The following CPQ variants were observed in gnomAD, a reference collection of about 807,000 sequenced individuals.
CPQ encodes the protein carboxypeptidase Q.
In CPQ, 37 loss-of-function variants were observed where a neutral mutation model predicts 45.7. The ratio of observed to expected loss-of-function variants is 0.81; its 90% CI spans 0.62 to 1.07. The LOEUF (loss-of-function observed/expected upper bound fraction) is 1.07. CPQ is among the 50% of genes least tolerant of loss of function. The pLI is 0.00. For synonymous variants in CPQ, 186 were observed against 205.8 expected (o/e 0.90, Z 0.82); for missense variants, 537 against 572.9 (o/e 0.94, Z 0.64).
At chr8:96,757,527 A>G (rs1001540147) in intron 1 of CPQ, among the ~76,000 whole-genome samples, 1 of 151,626 alleles carries the variant, frequency 6.6e-6, no homozygotes, top group Non-Finnish European at 1.5e-5. Context: ...ATCACAAATT[A>G]TATTTTCTTC....
chr8:96,877,729 T>C (rs2130879292), intron 3 of CPQ, among the ~76,000 whole-genome samples: 1 of 152,336 alleles, frequency 6.6e-6, no homozygotes, highest in Middle Eastern at 3.4e-3. Context: ...AACATTATTC[T>C]CCACTTTACA....
intron 2 of CPQ, among the ~76,000 whole-genome samples, chr8:96,807,737 A>G (rs1226850011): frequency 6.6e-6 from 1 of 152,228 alleles, no homozygotes; most frequent in African/African-American, 2.4e-5. Flanking sequence ...AAGTACAACT[A>G]CAGTTTCTCT....
chr8:96,991,190 A>G (rs1809086696), intron 5 of CPQ, among the ~76,000 whole-genome samples: 2 of 152,186 alleles, frequency 1.3e-5, no homozygotes, highest in Admixed American at 6.6e-5. Flanking sequence ...TGCTGTCTCA[A>G]AAACTGCAAT....
chr8:97,062,522 T>C (rs1329615808), intron 6 of CPQ, among the ~76,000 whole-genome samples: 2 of 152,166 alleles, frequency 1.3e-5, no homozygotes, highest in Admixed American at 6.5e-5. Context: ...GTTTGTTACA[T>C]AGGGAAACTT....
At chr8:96,892,994 T>C (rs1342943769) in intron 4 of CPQ, among the ~76,000 whole-genome samples, 1 of 152,196 alleles carries the variant, frequency 6.6e-6, no homozygotes, top group East Asian at 1.9e-4. Flanking sequence ...ATATGACACA[T>C]AGTAGTCTAC....
intron 3 of CPQ, among the ~76,000 whole-genome samples, chr8:96,856,995 T>C (rs1490806375): frequency 6.6e-6 from 1 of 152,222 alleles, no homozygotes; most frequent in Non-Finnish European, 1.5e-5. Flanking sequence ...CCTGTTTTGT[T>C]ATCTATGTGA....
intron 1 of CPQ, among the ~76,000 whole-genome samples, chr8:96,743,766 G>T (rs1178300288): frequency 6.6e-6 from 1 of 152,226 alleles, no homozygotes; most frequent in Non-Finnish European, 1.5e-5. Flanking sequence ...CTGCTGGGGG[G>T]TGCCTCCCAG....
chr8:96,914,381 A>G (rs1294283791), intron 4 of CPQ, among the ~76,000 whole-genome samples: 2 of 152,174 alleles, frequency 1.3e-5, no homozygotes, highest in Admixed American at 6.5e-5. Context: ...GGCCCTTTAC[A>G]GAGCTCCAGG....
At chr8:96,722,103 A>G (rs1182130632) in intron 1 of CPQ, among the ~76,000 whole-genome samples, 1 of 152,010 alleles carries the variant, frequency 6.6e-6, no homozygotes, top group African/African-American at 2.4e-5. Flanking sequence ...CAGGGATTTT[A>G]TTTGTCTTGT....
chr8:96,678,758 C>CTTTTTTT (rs71267274), intron 1 of CPQ, among the ~76,000 whole-genome samples: 3 of 114,874 alleles, frequency 2.6e-5, no homozygotes, highest in Non-Finnish European at 5.2e-5. Context: ...ATTATTTGGG[C>CTTTTTTT]TTTTTTTTTT....
At chr8:96,890,420 C>G (rs1812357531) in intron 4 of CPQ, among the ~76,000 whole-genome samples, 1 of 152,142 alleles carries the variant, frequency 6.6e-6, no homozygotes, top group African/African-American at 2.4e-5. Flanking sequence ...TAGTTTTTTA[C>G]TTGGTGTAGT....
intron 7 of CPQ, among the ~76,000 whole-genome samples, chr8:97,128,623 T>G (rs1811886606): frequency 6.6e-6 from 1 of 152,160 alleles, no homozygotes; most frequent in Admixed American, 6.5e-5. Context: ...AGGTGGAGGT[T>G]GCAGTGAGCC....
At chr8:96,908,745 G>GTGCACACA (rs1554577088) in intron 4 of CPQ, among the ~76,000 whole-genome samples, 2 of 16,906 alleles carry the variant, frequency 1.2e-4, no homozygotes, top group South Asian at 3.0e-3. Context: ...TTATACACAT[G>GTGCACACA]CGCACACACA....
At chr8:96,943,569 C>T (rs1297968774) in intron 4 of CPQ, among the ~76,000 whole-genome samples, 2 of 152,102 alleles carry the variant, frequency 1.3e-5, no homozygotes, top group Non-Finnish European at 2.9e-5. Flanking sequence ...AAGTAACTTG[C>T]ATAATGTTGC....
chr8:97,110,392 T>C (rs1202946513), intron 7 of CPQ, among the ~76,000 whole-genome samples: 1 of 152,224 alleles, frequency 6.6e-6, no homozygotes, highest in Non-Finnish European at 1.5e-5. Context: ...TTAACTTTTT[T>C]TCAGTTTTTG....
At chr8:96,902,427 C>G (rs894279469) in intron 4 of CPQ, among the ~76,000 whole-genome samples, 1 of 152,186 alleles carries the variant, frequency 6.6e-6, no homozygotes, top group Non-Finnish European at 1.5e-5. Context: ...AAAGTTCATG[C>G]TCTTCTGAAT....
chr8:97,010,940 A>G (rs1809476427), intron 5 of CPQ, among the ~76,000 whole-genome samples: 1 of 152,108 alleles, frequency 6.6e-6, no homozygotes, highest in South Asian at 2.1e-4. Context: ...TGATATTTGA[A>G]AAGCCCCATG....
At chr8:97,105,693 A>T (rs531238093) in intron 7 of CPQ, among the ~76,000 whole-genome samples, 5 of 152,200 alleles carry the variant, frequency 3.3e-5, no homozygotes, top group Admixed American at 6.5e-5. Flanking sequence ...ATCTAAAAGC[A>T]TTGGTCACGT....
At chr8:96,970,435 G>A (rs1213271271) in intron 5 of CPQ, among the ~76,000 whole-genome samples, 1 of 152,174 alleles carries the variant, frequency 6.6e-6, no homozygotes, top group African/African-American at 2.4e-5. Context: ...CCAAGCAGTA[G>A]GTAACTCGTG....
Sources: gnomAD v4.1 joint callset for allele counts (sites outside exome capture counted in the v4.1 genomes callset) on GRCh38, gnomAD v4.1.1 for gene constraint, MANE v1.5 for transcripts, NCBI Gene and HGNC (gene_info 2026-07-23, HGNC 2026-07-21) for gene names.